ADCY7: variants seen among roughly 807,000 people sequenced by gnomAD.
ADCY7 encodes the protein adenylate cyclase 7, also known as adenylate cyclase type 7.
In ADCY7, 72 loss-of-function variants were observed where a neutral mutation model predicts 120.6. That is an observed-to-expected ratio of 0.60 (90% CI 0.49 to 0.73). The LOEUF is 0.73. Among genes scored for constraint, ADCY7 ranks in the 30% least tolerant of loss-of-function variants. The pLI is 0.00. For missense variants in ADCY7, 1,227 were observed against 1,486.0 expected (o/e 0.83, Z 2.87); for synonymous variants, 661 against 628.0 (o/e 1.05, Z -0.78).
At chr16:50,288,985 G>A (rs1241696961) in intron 2 of ADCY7, among the ~76,000 whole-genome samples, 1 of 152,032 alleles carries the variant, frequency 6.6e-6, no homozygotes, top group Non-Finnish European at 1.5e-5. Context: ...ATTCAGTTTT[G>A]AAGTCTGGAG....
intron 10 of ADCY7, 99 bp downstream of exon 10, chr16:50,301,313 G>A (rs2035708281): frequency 7.0e-7 from 1 of 1,438,418 alleles, no homozygotes; most frequent in African/African-American, 1.4e-5. Context: ...CCATGTGGAG[G>A]GAGAGGTGGG....
chr16:50,310,652 G>T lies in ADCY7; in HGVS notation c.2161-35G>T. On this transcript the variant is annotated intron_variant, in intron 18 of 25. Transcript: ENST00000673801. ...GCTGGAGGCGAGAGTACGTGGTGGG[G>T]TGGCCCTGTCCTGAGTGACACCCTG... The T allele has an allele frequency of 1.9e-6, 3 of 1,608,936 alleles. No individual in the cohort carries two copies. The South Asian group carries it at 3.3e-5, about 18-fold the overall frequency.
intron 10 of ADCY7, among the ~76,000 whole-genome samples, chr16:50,302,355 C>T (rs1435113278): frequency 1.3e-5 from 2 of 152,158 alleles, no homozygotes; most frequent in Non-Finnish European, 2.9e-5. Flanking sequence ...AGCTAGTGCT[C>T]AGATAGCCCT....
intron 1 of ADCY7, among the ~76,000 whole-genome samples, chr16:50,251,719 C>T (rs1477871866): frequency 6.6e-6 from 1 of 152,232 alleles, no homozygotes; most frequent in East Asian, 1.9e-4. Flanking sequence ...GAGCTCGGGC[C>T]TCCAGTGTGC....
At position 50,314,410 on chromosome 16, in the gene ADCY7, A is replaced by G. The variant is rs771736564; in HGVS notation, c.2971+4A>G. ...AACTCCTTCCGCCTCCGCGTCGGTG[A>G]GCCCGGGTGATGGAGCGGGGTGGGG... On this transcript the variant is annotated splice_donor_region_variant and intron_variant, in intron 24 of 25. Transcript: ENST00000673801. 4.1e-5 allele frequency: 66 copies of G among 1,612,308 alleles called. No individual in the cohort carries two copies. The highest frequency in any genetic ancestry group is 5.3e-5 in the Non-Finnish European group (63 of 1,179,602).
At chr16:50,306,554 G>A (rs1305347153) in intron 14 of ADCY7, among the ~76,000 whole-genome samples, 3 of 130,242 alleles carry the variant, frequency 2.3e-5, no homozygotes, top group African/African-American at 5.6e-5. Flanking sequence ...GTGATCCTGC[G>A]ATGGTGCCTG....
intron 1 of ADCY7, among the ~76,000 whole-genome samples, chr16:50,250,563 G>C (rs2032728288): frequency 6.6e-6 from 1 of 151,736 alleles, no homozygotes; most frequent in African/African-American, 2.4e-5. Flanking sequence ...TGGATCAGGA[G>C]TGTGAGACCA....
At chr16:50,291,114 G>T (rs1336684165) in intron 3 of ADCY7, among the ~76,000 whole-genome samples, 1 of 152,074 alleles carries the variant, frequency 6.6e-6, no homozygotes, top group African/African-American at 2.4e-5. Context: ...AGCTCGACCT[G>T]CAGGCTTGAG....
At position 50,311,813 on chromosome 16, in the gene ADCY7, C is replaced by G. The variant is rs768945103; in HGVS notation, c.2448+27C>G. Reference sequence around the variant, plus strand: ...TAAGGAGGCTGGCCCCCCCCCCCCCCCCAAGCTCTGCCCACTTTTCCTCAC... The same window carrying G: ...TAAGGAGGCTGGCCCCCCCCCCCCCGCCAAGCTCTGCCCACTTTTCCTCAC... On this transcript the variant is annotated intron_variant, in intron 20 of 25. Coordinates refer to ENST00000673801, the MANE Select transcript of ADCY7 (RefSeq NM_001114.5). 1,618 of 1,314,820 alleles carry G rather than the reference C, an allele frequency of 1.2e-3. 23 individuals are homozygous for G. The African/African-American group carries it at 0.017, about 14-fold the overall frequency. The allele number at this position is 1,314,820 out of a possible 1,614,324, so 81.4% of individuals were successfully genotyped here. A position where few individuals can be genotyped will look rare whatever the true frequency, so the allele number is the denominator to read the frequency against.
Position 50,291,808 on chromosome 16 carries a change from G to A in ADCY7, c.448G>A (p.Val150Ile), listed in dbSNP as rs376456232. 9.3e-6 allele frequency: 15 copies of A among 1,613,972 alleles called. No individual in the cohort carries two copies. The highest frequency in any genetic ancestry group is 8.0e-5 in the African/African-American group (6 of 74,932). ...CTTCAGCATGCGGGGCGCTGTCGCC[G>A]TTGGGGCCGTCTCCACTGCCTCCCA... ...LPFSMRGAVAVGAVSTASHLL... is the reference protein window; with the variant it reads ...LPFSMRGAVAIGAVSTASHLL... Residue 150 changes from valine (V) to isoleucine (I), a missense_variant, in exon 4 of 26, where the codon GTT becomes ATT. Physicochemically the swap from Val to Ile is conservative, Grantham distance 29. This residue lies in a region of ADCY7 where 382 missense variants were observed against 411.4 expected (regional missense o/e 0.93). Transcript: ENST00000673801.
chr16:50,287,269 C>T (rs2150940405), intron 1 of ADCY7, among the ~76,000 whole-genome samples: 1 of 152,018 alleles, frequency 6.6e-6, no homozygotes, highest in Middle Eastern at 3.4e-3. Context: ...CCTGCCTCGA[C>T]CTCTCAAAGT....
At chr16:50,304,578 C>T (rs369296531) in intron 11 of ADCY7, 27 bp downstream of exon 11, 18 of 1,517,646 alleles carry the variant, frequency 1.2e-5, no homozygotes, top group African/African-American at 2.8e-5. Context: ...CCCAGAAAGC[C>T]AGGGATTGGG....
rs1470122154 is a variant in ADCY7, at chr16:50,308,384, G to C, written c.1908G>C (p.Leu636=). ...TGGCCTGTGTACTGGGGCTGGTGCTGGGCCTGTGCTTTGCCACCAAGTTCT... is the reference window on the plus strand; with the variant it reads ...TGGCCTGTGTACTGGGGCTGGTGCTCGGCCTGTGCTTTGCCACCAAGTTCT... ...GLVACVLGLV[L]GLCFATKFSR... Residue 636 remains leucine, a synonymous_variant, in exon 16 of 26, where the codon CTG becomes CTC. Transcript: ENST00000673801. The C allele has an allele frequency of 6.2e-7, 1 of 1,614,004 alleles. No individual in the cohort carries two copies.
Position 50,312,029 on chromosome 16 carries a change from T to A in ADCY7, c.2449-7T>A. 1 of 1,614,034 alleles carries A rather than the reference T, an allele frequency of 6.2e-7. No homozygotes were observed. Among genetic ancestry groups the A allele is most frequent in the East Asian group, 2.2e-5 (1 of 44,880 alleles). On this transcript the variant is annotated splice_polypyrimidine_tract_variant and splice_region_variant and intron_variant, in intron 20 of 25. Transcript: ENST00000673801. ...GGACGGGGCGCTTATGTTGCTGCCGTTTGCAGATTGACTATTACTGCCGCT... is the reference window on the plus strand; with the variant it reads ...GGACGGGGCGCTTATGTTGCTGCCGATTGCAGATTGACTATTACTGCCGCT...
chr16:50,313,906 T>TGGCTGCGGCTATGGAGTGGC, intron 22 of ADCY7, 52 bp from the exon 23 acceptor site: 1 of 1,502,034 alleles, frequency 6.7e-7, no homozygotes, highest in Non-Finnish European at 9.2e-7. Flanking sequence ...AGGGGCAGCC[T>TGGCTGCGGCTATGGAGTGGC]GGCTGCGGCT....
At chr16:50,253,289 C>T (rs979116707) in intron 1 of ADCY7, among the ~76,000 whole-genome samples, 1 of 152,168 alleles carries the variant, frequency 6.6e-6, no homozygotes, top group African/African-American at 2.4e-5. Context: ...CTTGCTCTGT[C>T]GTCCAGGCTG....
At chr16:50,249,302 T>C (rs752962201) in intron 1 of ADCY7, among the ~76,000 whole-genome samples, 5 of 152,074 alleles carry the variant, frequency 3.3e-5, no homozygotes, top group African/African-American at 7.2e-5. Context: ...TAGCCAGGCA[T>C]GGTGGTGTGT....
rs540816571 is a variant in ADCY7 at position 50,310,539 on chromosome 16, G to T, written c.2161-148G>T. ...TGAAAACAACACTGGACACTCTTAG[G>T]TCTCATTGTTTTTTGTTGAGAAGGG... On this transcript the variant is annotated intron_variant, in intron 18 of 25. Transcript: ENST00000673801. The T allele has an allele frequency of 4.5e-6, 7 of 1,545,908 alleles. No individual in the cohort carries two copies. The South Asian group carries it at 5.9e-5, about 13-fold the overall frequency.
intron 10 of ADCY7, among the ~76,000 whole-genome samples, chr16:50,302,869 T>G (rs2035822133): frequency 6.6e-6 from 1 of 152,188 alleles, no homozygotes; most frequent in Non-Finnish European, 1.5e-5. Context: ...AGCTCCTGTT[T>G]TTGACATGGA....
Sources: allele counts gnomAD v4.1 joint callset (sites outside exome capture counted in the v4.1 genomes callset), GRCh38; gene constraint gnomAD v4.1.1; regional missense constraint gnomAD v4.1.1; transcripts MANE v1.5; gene names NCBI Gene and HGNC (gene_info 2026-07-23, HGNC 2026-07-21).